The following DCAF5 variants were observed in gnomAD, a reference collection of about 807,000 sequenced individuals.
The protein encoded by DCAF5 is DDB1- and CUL4-associated factor 5.
A neutral mutation model predicts 80.7 loss-of-function variants in DCAF5; 9 were observed. That is an observed-to-expected ratio of 0.11 (90% CI 0.07 to 0.19). DCAF5 has a LOEUF of 0.19. Among genes scored for constraint, DCAF5 ranks in the 10% least tolerant of loss-of-function variants. The probability of loss-of-function intolerance (pLI) is 1.00; values close to 1 mark genes in which losing one functional copy is unlikely to be tolerated. For missense variants in DCAF5, 842 were observed against 1,205.7 expected, an observed-to-expected ratio of 0.70 and a Z score of 4.47; for synonymous variants, 433 against 461.9, an observed-to-expected ratio of 0.94 and a Z score of 0.80.
intron 7 of DCAF5, among the ~76,000 whole-genome samples, chr14:69,068,489 G>A (rs932028984): frequency 4.2e-4 from 64 of 151,930 alleles, no homozygotes; most frequent in Admixed American, 3.5e-3. Context: ...ACCTGAGGTC[G>A]GGAGTTCGAG....
Position 69,112,594 on chromosome 14 carries a change from T to TACACACACACACACACAC in DCAF5, c.665+3754_665+3771dup, listed in dbSNP as rs3044674. Among the ~76,000 whole-genome samples, 381 of 145,226 alleles carry TACACACACACACACACAC rather than the reference T, an allele frequency of 2.6e-3. 1 individual carries two copies. Among genetic ancestry groups the TACACACACACACACACAC allele is most frequent in the African/African-American group, 9.2e-3 (351 of 38,292 alleles). On this transcript the variant is annotated intron_variant, in intron 5 of 8. Transcript: ENST00000341516. ...AAAGGGGAAGGATGATATATATGTA[T>TACACACACACACACACAC]ACACACACACACACACACACACACA...
rs1206463763 is a variant in DCAF5 at position 69,051,751 on chromosome 14, G to A, written c.*2106C>T. 5 of 152,588 alleles carry A rather than the reference G, an allele frequency of 3.3e-5. No individual in the cohort carries two copies. The highest frequency in any genetic ancestry group is 2.0e-4 in the Admixed American group (3 of 15,270). 9.5% of individuals were successfully genotyped at this position (152,588 alleles called of 1,614,324 possible). ...TATCCGATTGTCCTTTGAGAAGTCA[G>A]AAGAGGCTAAGTACTTATTAAAATA... On this transcript the variant is annotated 3_prime_UTR_variant, in exon 9 of 9. Transcript: ENST00000341516.
chr14:69,054,128 T>TC lies in DCAF5; in HGVS notation c.2557dup (p.Glu853GlyfsTer16), dbSNP rs777707629. ...GGAAGAGTAGGCCACCACCTCCAGC[T>TC]CCCCCAAGTTCTGCCCGTTATTGTG... On this transcript the variant is annotated frameshift_variant, in exon 9 of 9. Coordinates refer to ENST00000341516, the MANE Select transcript of DCAF5 (RefSeq NM_003861.3). LOFTEE classifies it high-confidence loss of function. 1.2e-6 allele frequency: 2 copies of TC among 1,614,056 alleles called. No individual in the cohort carries two copies. Among genetic ancestry groups the TC allele is most frequent in the Non-Finnish European group, 1.7e-6 (2 of 1,180,002 alleles).
intron 7 of DCAF5, among the ~76,000 whole-genome samples, 185 bp from the exon 8 acceptor site, chr14:69,062,696 G>T (rs1212331604): frequency 6.6e-6 from 1 of 152,182 alleles, no homozygotes; most frequent in Non-Finnish European, 1.5e-5. Context: ...CTCAGCATAT[G>T]TGCTCTTATG....
At position 69,055,233 on chromosome 14, in the gene DCAF5, G is replaced by A. The variant is rs760323886; in HGVS notation, c.1453C>T (p.Pro485Ser). The A allele has an allele frequency of 5.0e-6, 8 of 1,614,216 alleles. No individual in the cohort carries two copies. In the South Asian group the frequency reaches 6.6e-5, roughly 13 times the overall value. ...ESADNAFHLG[P>S]LRVTTTNTVA... ...GTGTTTGTGGTGGTGACCCGCAGGG[G>A]CCCCAGGTGGAAGGCGTTGTCGGCA... Residue 485 changes from proline (P) to serine (S), a missense_variant, in exon 9 of 9, where the codon CCC becomes TCC. This residue lies in a region of DCAF5 where 607 missense variants were observed against 656.6 expected (regional missense o/e 0.92). Transcript: ENST00000341516. This position sits in a 1 kb window ranked among gnomAD's most constrained non-coding sequence, Gnocchi z 5.6.
chr14:69,134,299 A>G (rs2041127242), intron 1 of DCAF5, among the ~76,000 whole-genome samples: 1 of 152,230 alleles, frequency 6.6e-6, no homozygotes, highest in African/African-American at 2.4e-5. Context: ...TTTAAGGTGT[A>G]CTAGAAAAAA....
At chr14:69,067,928 C>T (rs1309817499) in intron 7 of DCAF5, among the ~76,000 whole-genome samples, 3 of 152,104 alleles carry the variant, frequency 2.0e-5, no homozygotes, top group Non-Finnish European at 1.5e-5. Context: ...AGCCACTGCA[C>T]CTGGCCCAGA....
chr14:69,087,726 A>T (rs2039389896), intron 6 of DCAF5, among the ~76,000 whole-genome samples: 1 of 152,244 alleles, frequency 6.6e-6, no homozygotes, highest in Non-Finnish European at 1.5e-5. Context: ...TCACAGCATC[A>T]GGCATACAGT....
rs781125862 is a variant in DCAF5, at chr14:69,091,181, A to C, written c.879+493T>G. On this transcript the variant is annotated intron_variant, in intron 6 of 8. Transcript: ENST00000341516. ...GCTGGCAGTAAAAAGAAAAAGAGTC[A>C]GCATCTGGCTCCCTCTCAAACAAAG... The C allele has an allele frequency of 1.7e-5, 12 of 714,100 alleles. No individual in the cohort carries two copies. In the South Asian group the frequency reaches 1.7e-4, roughly 10 times the overall value. 44.2% of individuals were successfully genotyped at this position (714,100 alleles called of 1,614,324 possible).
intron 6 of DCAF5, among the ~76,000 whole-genome samples, chr14:69,082,213 A>G (rs1303052931): frequency 6.6e-6 from 1 of 152,252 alleles, no homozygotes; most frequent in Non-Finnish European, 1.5e-5. Flanking sequence ...TACCAACCAA[A>G]GCAATCAGAG....
intron 1 of DCAF5, among the ~76,000 whole-genome samples, chr14:69,150,249 G>C (rs1207324114): frequency 1.3e-5 from 2 of 152,120 alleles, no homozygotes; most frequent in Admixed American, 6.6e-5. Flanking sequence ...AGTATGGGGG[G>C]AAGGAAAAGG....
intron 6 of DCAF5, chr14:69,083,742 T>C: frequency 1.5e-6 from 1 of 662,782 alleles, no homozygotes; most frequent in Non-Finnish European, 2.8e-6. Context: ...TGGTGAATGA[T>C]GCTGAGTCTG....
chr14:69,083,110 T>C (rs928555104), intron 6 of DCAF5, among the ~76,000 whole-genome samples: 1 of 152,160 alleles, frequency 6.6e-6, no homozygotes, highest in Non-Finnish European at 1.5e-5. Context: ...AGTTCTAAAA[T>C]TGCATCAGTA....
upstream of DCAF5, chr14:69,153,174 C>A (rs1264657406): frequency 1.9e-5 from 8 of 428,942 alleles, no homozygotes; most frequent in Non-Finnish European, 2.8e-5. Context: ...TCTCCTTCCC[C>A]CCGAGGCTCC....
At chr14:69,137,336 A>T (rs2041226497) in intron 1 of DCAF5, among the ~76,000 whole-genome samples, 1 of 152,134 alleles carries the variant, frequency 6.6e-6, no homozygotes, top group African/African-American at 2.4e-5. Context: ...AATTTTCTTC[A>T]TCTCCAGCCT....
chr14:69,126,212 C>G (rs1400437681), intron 1 of DCAF5, among the ~76,000 whole-genome samples: 1 of 146,082 alleles, frequency 6.8e-6, no homozygotes, highest in Admixed American at 7.0e-5. Flanking sequence ...GGCTGGAGTG[C>G]AATGGCGCAA....
At chr14:69,097,111 G>C (rs1353550692) in intron 5 of DCAF5, among the ~76,000 whole-genome samples, 1 of 152,128 alleles carries the variant, frequency 6.6e-6, no homozygotes, top group Non-Finnish European at 1.5e-5. Context: ...TGCTGAAGAG[G>C]AAAGAAGAAA....
intron 1 of DCAF5, among the ~76,000 whole-genome samples, chr14:69,132,490 T>C (rs769031568): frequency 5.9e-5 from 9 of 152,210 alleles, no homozygotes; most frequent in Non-Finnish European, 1.3e-4. Context: ...CAGTTACCAC[T>C]TTTCTATTCA....
chr14:69,110,846 C>T lies in DCAF5; in HGVS notation c.665+5520G>A, dbSNP rs1253355844. ...TAGCCATGATCATGCCACTGCACTC[C>T]AGCCTGGGCAACAGACCAAGACCCT... On this transcript the variant is annotated intron_variant, in intron 5 of 8. Coordinates refer to ENST00000341516, the MANE Select transcript of DCAF5 (RefSeq NM_003861.3). Among the ~76,000 whole-genome samples, 7 of 133,564 alleles carry T rather than the reference C, an allele frequency of 5.2e-5. No individual in the cohort carries two copies. In the East Asian group the frequency reaches 1.4e-3, roughly 26 times the overall value. The allele number at this position is 133,564 out of a possible 152,430, so 87.6% of individuals were successfully genotyped here. A position where few individuals can be genotyped will look rare whatever the true frequency, so the allele number is the denominator to read the frequency against.
Sources: allele counts gnomAD v4.1 joint callset (sites outside exome capture counted in the v4.1 genomes callset), GRCh38; gene constraint gnomAD v4.1.1; regional missense constraint gnomAD v4.1.1; non-coding constraint Gnocchi (gnomAD v3.1); transcripts MANE v1.5; gene names NCBI Gene and HGNC (gene_info 2026-07-23, HGNC 2026-07-21).